Variants in ADAMTS6 observed in about 807,000 individuals in gnomAD.
The protein encoded by ADAMTS6 is ADAM metallopeptidase with thrombospondin type 1 motif 6, also known as A disintegrin and metalloproteinase with thrombospondin motifs 6.
Under a neutral mutation model 144.3 loss-of-function variants are expected in ADAMTS6, and 23 were observed. The observed-to-expected ratio is 0.16, with a 90% CI of 0.11 to 0.23. The LOEUF (loss-of-function observed/expected upper bound fraction) is 0.23. ADAMTS6 is among the 10% of genes least tolerant of loss of function. ADAMTS6 has a pLI of 1.00. For synonymous variants in ADAMTS6, 444 were observed against 457.5 expected, an observed-to-expected ratio of 0.97 and a Z score of 0.38; for missense variants, 999 against 1,379.6, an observed-to-expected ratio of 0.72 and a Z score of 4.37.
At chr5:65,234,370 C>A (rs1758505161) in intron 15 of ADAMTS6, among the ~76,000 whole-genome samples, 1 of 148,794 alleles carries the variant, frequency 6.7e-6, no homozygotes, top group African/African-American at 2.5e-5. Context: ...AGAAAATACC[C>A]AAAACATATA....
At chr5:65,461,060 G>A (rs191929191) in intron 3 of ADAMTS6, among the ~76,000 whole-genome samples, 6 of 152,238 alleles carry the variant, frequency 3.9e-5, no homozygotes, top group Non-Finnish European at 4.4e-5. Flanking sequence ...ATTACATAGA[G>A]GTAAGTGAGG....
At chr5:65,399,939 C>T (rs1304519721) in intron 7 of ADAMTS6, among the ~76,000 whole-genome samples, 3 of 152,178 alleles carry the variant, frequency 2.0e-5, no homozygotes, top group Non-Finnish European at 4.4e-5. Context: ...CAAGGCAGAT[C>T]TATTGGTAAT....
intron 7 of ADAMTS6, among the ~76,000 whole-genome samples, chr5:65,396,424 A>G (rs1753344409): frequency 6.6e-6 from 1 of 152,214 alleles, no homozygotes; most frequent in African/African-American, 2.4e-5. Flanking sequence ...CTACTCTCTG[A>G]TTGAAACAGA....
chr5:65,368,874 G>T lies in ADAMTS6; in HGVS notation c.1074-34789C>A, dbSNP rs1310622956. Among the ~76,000 whole-genome samples, 12 of 152,148 alleles carry T rather than the reference G, an allele frequency of 7.9e-5. 1 individual carries two copies. Among genetic ancestry groups the T allele is most frequent in the Admixed American group, 7.2e-4 (11 of 15,266 alleles). ...ATTCAAGACCAGTCTGGCCAACATG[G>T]TGAAACCCCGTCTATACTAAAAAAT... On this transcript the variant is annotated intron_variant, in intron 7 of 24. Coordinates refer to ENST00000381055, the MANE Select transcript of ADAMTS6 (RefSeq NM_197941.4).
intron 22 of ADAMTS6, among the ~76,000 whole-genome samples, chr5:65,184,001 T>G (rs1579986874): frequency 2.6e-5 from 4 of 152,326 alleles, no homozygotes; most frequent in Admixed American, 2.6e-4. Flanking sequence ...TAGTGGTCAG[T>G]CTATTCTTTA....
chr5:65,468,500 T>G (rs191314510), intron 3 of ADAMTS6, among the ~76,000 whole-genome samples: 325 of 150,072 alleles, frequency 2.2e-3, no homozygotes, highest in African/African-American at 7.8e-3. Flanking sequence ...CTAAAACTGG[T>G]GTGTAAAAGT....
intron 9 of ADAMTS6, among the ~76,000 whole-genome samples, chr5:65,307,841 C>T (rs555629899): frequency 6.6e-6 from 1 of 152,248 alleles, no homozygotes; most frequent in Non-Finnish European, 1.5e-5. Flanking sequence ...TGTCTAGTTC[C>T]CTTGCTCCTG....
chr5:65,371,645 T>C (rs555242614), intron 7 of ADAMTS6, among the ~76,000 whole-genome samples: 5 of 152,160 alleles, frequency 3.3e-5, no homozygotes, highest in Non-Finnish European at 7.3e-5. Flanking sequence ...CTACGTCTGA[T>C]TGGTGTACCT....
chr5:65,381,530 T>TTTA (rs1752043228), intron 7 of ADAMTS6, among the ~76,000 whole-genome samples: 1 of 41,628 alleles, frequency 2.4e-5, no homozygotes, highest in Non-Finnish European at 4.4e-5. Context: ...GCCTGGCTAA[T>TTTA]TTTTTTTTTT....
intron 15 of ADAMTS6, among the ~76,000 whole-genome samples, chr5:65,238,990 T>C (rs776282323): frequency 7.9e-5 from 12 of 152,000 alleles, no homozygotes; most frequent in Non-Finnish European, 1.3e-4. Flanking sequence ...AGAACTCTTA[T>C]AAAAAACATC....
At chr5:65,338,595 C>T (rs1747528259) in intron 7 of ADAMTS6, among the ~76,000 whole-genome samples, 1 of 152,146 alleles carries the variant, frequency 6.6e-6, no homozygotes, top group Non-Finnish European at 1.5e-5. Context: ...TGTCTGAATC[C>T]CAAGCCTGAG....
At chr5:65,232,299 A>G (rs970132910) in intron 15 of ADAMTS6, among the ~76,000 whole-genome samples, 1 of 152,182 alleles carries the variant, frequency 6.6e-6, no homozygotes, top group African/African-American at 2.4e-5. Context: ...TTTACATCTC[A>G]AGGAACTAGA....
chr5:65,232,799 C>G (rs183332066), intron 15 of ADAMTS6, among the ~76,000 whole-genome samples: 31 of 151,900 alleles, frequency 2.0e-4, no homozygotes, highest in Admixed American at 2.0e-3. Context: ...ATTTTTCTCA[C>G]ACTTTTTCAA....
At chr5:65,345,207 A>G (rs2071137884) in intron 7 of ADAMTS6, among the ~76,000 whole-genome samples, 1 of 151,722 alleles carries the variant, frequency 6.6e-6, no homozygotes, top group Non-Finnish European at 1.5e-5. Flanking sequence ...AATATCCTTA[A>G]TTTCCAGTAA....
intron 20 of ADAMTS6, among the ~76,000 whole-genome samples, chr5:65,212,840 A>G (rs1393715531): frequency 1.3e-5 from 2 of 152,196 alleles, no homozygotes; most frequent in African/African-American, 4.8e-5. Context: ...TTAACTTTAG[A>G]CTATCCTTAT....
At chr5:65,460,781 C>A (rs1378410405) in intron 3 of ADAMTS6, among the ~76,000 whole-genome samples, 2 of 152,168 alleles carry the variant, frequency 1.3e-5, no homozygotes, top group Non-Finnish European at 2.9e-5. Context: ...GCAGTGGAAT[C>A]TTCTACTCTC....
intron 4 of ADAMTS6, among the ~76,000 whole-genome samples, chr5:65,454,291 G>C (rs933235001): frequency 3.3e-5 from 5 of 152,172 alleles, no homozygotes; most frequent in African/African-American, 9.7e-5. Context: ...CAAGAAATGT[G>C]CTAAGTCAGT....
rs70983664 is a variant in ADAMTS6, at chr5:65,230,287, C to CATAT, written c.1934-4072_1934-4069dup. On this transcript the variant is annotated intron_variant, in intron 15 of 24. Coordinates refer to ENST00000381055, the MANE Select transcript of ADAMTS6 (RefSeq NM_197941.4). ...TAATCACAAAGCAAAATACCTAAAG[C>CATAT]ATATATATATATATATATATATATG... 2.4e-3 allele frequency among the ~76,000 whole-genome samples: 159 copies of CATAT among 64,928 alleles called. 7 individuals are homozygous for CATAT. Among genetic ancestry groups the CATAT allele is most frequent in the African/African-American group, 0.013 (115 of 9,042 alleles). The allele number at this position is 64,928 out of a possible 152,430, so 42.6% of individuals were successfully genotyped here.
At chr5:65,169,146 G>A (rs1579945015) in intron 24 of ADAMTS6, among the ~76,000 whole-genome samples, 1 of 37,776 alleles carries the variant, frequency 2.6e-5, no homozygotes. Flanking sequence ...TCTGACAAAG[G>A]GCTAATATCC....
Sources: gnomAD v4.1 joint callset for allele counts (sites outside exome capture counted in the v4.1 genomes callset) on GRCh38, gnomAD v4.1.1 for gene constraint, MANE v1.5 for transcripts, NCBI Gene and HGNC (gene_info 2026-07-23, HGNC 2026-07-21) for gene names.